Variants in CSMD1 observed in about 807,000 individuals in gnomAD.
CSMD1 encodes the protein CUB and Sushi multiple domains 1.
Under a neutral mutation model 417.5 loss-of-function variants are expected in CSMD1, and 213 were observed. That is an observed-to-expected ratio of 0.51 (90% CI 0.46 to 0.57). The LOEUF (loss-of-function observed/expected upper bound fraction) is 0.57, where lower values mean the gene tolerates loss of function less well. Ranked by LOEUF, CSMD1 falls within the 20% of genes least tolerant of loss-of-function variation. The pLI is 0.00. For synonymous variants in CSMD1, 2,862 were observed against 1,736.8 expected (o/e 1.65, Z -16.11); for missense variants, 6,923 against 4,529.7 (o/e 1.53, Z -15.17).
intron 68 of CSMD1, among the ~76,000 whole-genome samples, 173 bp downstream of exon 68, chr8:2,949,126 G>T (rs773736169): frequency 6.6e-6 from 1 of 150,770 alleles, no homozygotes; most frequent in African/African-American, 2.4e-5. Flanking sequence ...CTTTGTGTTT[G>T]TGTATTTTGC....
chr8:4,931,083 A>G (rs1304779629), intron 1 of CSMD1, among the ~76,000 whole-genome samples: 1 of 152,218 alleles, frequency 6.6e-6, no homozygotes, highest in African/African-American at 2.4e-5. Flanking sequence ...TTGGAAATTC[A>G]GGCAATTATA....
intron 3 of CSMD1, among the ~76,000 whole-genome samples, chr8:4,369,795 A>T (rs1004038237): frequency 2.0e-5 from 3 of 152,162 alleles, no homozygotes; most frequent in Non-Finnish European, 2.9e-5. Context: ...ATAGATCTTT[A>T]TCCATCCCTT....
intron 2 of CSMD1, among the ~76,000 whole-genome samples, chr8:4,589,777 GA>G (rs1200404085): frequency 3.3e-5 from 5 of 152,164 alleles, no homozygotes; most frequent in African/African-American, 9.7e-5. Context: ...GCCAACTTGG[GA>G]AAAAATATAT....
At chr8:3,984,787 G>C (rs529326178) in intron 5 of CSMD1, among the ~76,000 whole-genome samples, 64 of 144,246 alleles carry the variant, frequency 4.4e-4, no homozygotes, top group Non-Finnish European at 8.9e-4. Context: ...GTGTGTGTGG[G>C]TGTAAAGGGA....
In CSMD1 at chr8:4,557,782, C is replaced by T. The variant is rs138518271; in HGVS notation, c.302+79560G>A. Among the ~76,000 whole-genome samples, 1,116 of 152,296 alleles carry T rather than the reference C, an allele frequency of 7.3e-3. 12 individuals carry two copies. Among genetic ancestry groups the T allele is most frequent in the Non-Finnish European group, 0.011 (718 of 68,030 alleles). The stretch of plus-strand genomic sequence containing the variant: ...AGCATTAAGATGGCACGTAAGTCTC[C>T]GTGCCCCACGTTCAGGTTAGATTTC... On this transcript the variant is annotated intron_variant, in intron 2 of 69. Coordinates refer to ENST00000635120, the MANE Select transcript of CSMD1 (RefSeq NM_033225.6).
chr8:3,177,109 C>T (rs1404097370), intron 37 of CSMD1, among the ~76,000 whole-genome samples: 1 of 152,124 alleles, frequency 6.6e-6, no homozygotes, highest in African/African-American at 2.4e-5. Context: ...ACAAACTCCC[C>T]CAGAAGAGAC....
chr8:4,358,267 G>C (rs1801546820), intron 3 of CSMD1, among the ~76,000 whole-genome samples: 1 of 152,170 alleles, frequency 6.6e-6, no homozygotes. Flanking sequence ...TGCTTTACCA[G>C]TGGGTGTGGA....
At chr8:3,389,821 G>A (rs1336164226) in intron 17 of CSMD1, among the ~76,000 whole-genome samples, 1 of 152,160 alleles carries the variant, frequency 6.6e-6, no homozygotes, top group East Asian at 1.9e-4. Flanking sequence ...GGTCACAATT[G>A]ATGCTTAGTT....
intron 1 of CSMD1, among the ~76,000 whole-genome samples, chr8:4,926,624 G>C (rs1021289901): frequency 8.5e-5 from 13 of 152,150 alleles, no homozygotes. Flanking sequence ...CATGTATATA[G>C]TTCCTTAATT....
At chr8:4,472,998 ATAAAT>A (rs781212831) in intron 2 of CSMD1, among the ~76,000 whole-genome samples, 114 of 152,152 alleles carry the variant, frequency 7.5e-4, no homozygotes, top group South Asian at 2.9e-3. Context: ...ATATGTACAC[ATAAAT>A]TATATTGTTT....
At chr8:2,957,508 C>T (rs1391469193) in intron 63 of CSMD1, among the ~76,000 whole-genome samples, 188 bp downstream of exon 63, 4 of 152,182 alleles carry the variant, frequency 2.6e-5, no homozygotes, top group Non-Finnish European at 4.4e-5. Context: ...TGAGAGCAGC[C>T]TTCACAGCCC....
chr8:4,146,226 T>C (rs1323307772), intron 3 of CSMD1, among the ~76,000 whole-genome samples: 1 of 150,974 alleles, frequency 6.6e-6, no homozygotes, highest in Non-Finnish European at 1.5e-5. Context: ...AACATGAACT[T>C]GGAGAAAACC....
intron 5 of CSMD1, among the ~76,000 whole-genome samples, chr8:3,778,383 G>C (rs139312276): frequency 3.4e-4 from 52 of 152,288 alleles, no homozygotes; most frequent in African/African-American, 1.2e-3. Flanking sequence ...AAGAAGACCG[G>C]GGGCAGAAAC....
intron 7 of CSMD1, among the ~76,000 whole-genome samples, chr8:3,633,623 T>C (rs965474995): frequency 1.3e-5 from 2 of 152,232 alleles, no homozygotes; most frequent in South Asian, 2.1e-4. Flanking sequence ...TAATATTTCC[T>C]AATTTAAAAA....
At chr8:3,245,275 C>T (rs950236426) in intron 26 of CSMD1, among the ~76,000 whole-genome samples, 1 of 152,178 alleles carries the variant, frequency 6.6e-6, no homozygotes, top group East Asian at 1.9e-4. Context: ...TCCTGCCACC[C>T]TGAGAAGCAC....
intron 12 of CSMD1, among the ~76,000 whole-genome samples, chr8:3,418,609 C>G (rs1352641992): frequency 6.6e-6 from 1 of 152,122 alleles, no homozygotes; most frequent in Non-Finnish European, 1.5e-5. Context: ...TGTCCTGTGT[C>G]TCAGCTCAAC....
chr8:4,385,224 G>A (rs577749794), intron 3 of CSMD1, among the ~76,000 whole-genome samples: 10 of 152,206 alleles, frequency 6.6e-5, no homozygotes, highest in Non-Finnish European at 1.2e-4. Context: ...CACTGCACCC[G>A]GCCACATTAA....
At chr8:3,296,161 G>A (rs67577582) in intron 25 of CSMD1, among the ~76,000 whole-genome samples, 26,270 of 151,950 alleles carry the variant, frequency 0.17, 2,843 homozygotes, top group Non-Finnish European at 0.25. Flanking sequence ...GGGGAGGAAG[G>A]GGAAGCCTGA....
intron 1 of CSMD1, among the ~76,000 whole-genome samples, chr8:4,786,137 T>C (rs189990039): frequency 1.7e-4 from 26 of 152,292 alleles, no homozygotes; most frequent in Admixed American, 1.6e-3. Flanking sequence ...CTTCTAAAAA[T>C]GGATTTTAAC....
Sources: allele counts gnomAD v4.1 joint callset (sites outside exome capture counted in the v4.1 genomes callset), GRCh38; gene constraint gnomAD v4.1.1; transcripts MANE v1.5; gene names NCBI Gene and HGNC (gene_info 2026-07-23, HGNC 2026-07-21).